GRIA1: variants seen among roughly 807,000 people sequenced by gnomAD.
GRIA1 encodes the protein glutamate ionotropic receptor AMPA type subunit 1.
Under a neutral mutation model 99.2 loss-of-function variants are expected in GRIA1, and 31 were observed. The ratio of observed to expected loss-of-function variants is 0.31; its 90% CI spans 0.23 to 0.42. The LOEUF is 0.42. GRIA1 is among the 10% of genes least tolerant of loss of function. The probability of loss-of-function intolerance (pLI) is 1.00; values close to 1 mark genes in which losing one functional copy is unlikely to be tolerated. For synonymous variants in GRIA1, 438 were observed against 432.4 expected (o/e 1.01, Z -0.16); for missense variants, 782 against 1,157.5 (o/e 0.68, Z 4.71).
chr5:153,726,302 T>C (rs1451765308), intron 11 of GRIA1, among the ~76,000 whole-genome samples: 2 of 147,850 alleles, frequency 1.4e-5, no homozygotes, highest in African/African-American at 5.0e-5. Context: ...AGATCCAAAC[T>C]TCACACCCTA....
chr5:153,659,092 T>C (rs1001937223), intron 5 of GRIA1, among the ~76,000 whole-genome samples: 1 of 152,164 alleles, frequency 6.6e-6, no homozygotes, highest in African/African-American at 2.4e-5. Flanking sequence ...ATCTGTCAAT[T>C]GAGAACAATA....
At chr5:153,655,717 G>A in intron 4 of GRIA1, 102 bp from the exon 5 acceptor site, 1 of 907,058 alleles carries the variant, frequency 1.1e-6, no homozygotes, top group Non-Finnish European at 1.8e-6. Flanking sequence ...CTTAGGGTAG[G>A]GCACATTGTA....
chr5:153,554,852 G>A (rs1760478267), intron 2 of GRIA1, among the ~76,000 whole-genome samples: 1 of 152,190 alleles, frequency 6.6e-6, no homozygotes, highest in South Asian at 2.1e-4. Context: ...TAGTAGGCCA[G>A]ATGCAGAGAA....
chr5:153,698,737 G>T, intron 9 of GRIA1, 130 bp from the exon 10 acceptor site: 2 of 660,474 alleles, frequency 3.0e-6, no homozygotes, highest in East Asian at 5.3e-5. Flanking sequence ...AGACATTTAG[G>T]AAGTGAATTG....
intron 2 of GRIA1, among the ~76,000 whole-genome samples, chr5:153,498,892 T>C (rs1005948080): frequency 5.8e-4 from 89 of 152,202 alleles, no homozygotes; most frequent in African/African-American, 2.1e-3. Flanking sequence ...AATCAAATTA[T>C]GTTGTTTGGG....
chr5:153,661,213 T>C (rs1028467727), intron 5 of GRIA1, among the ~76,000 whole-genome samples: 1 of 152,208 alleles, frequency 6.6e-6, no homozygotes, highest in Admixed American at 6.5e-5. Flanking sequence ...CTCACAGTTA[T>C]GTTTAGTTTC....
chr5:153,580,037 G>A (rs1315505816), intron 2 of GRIA1, among the ~76,000 whole-genome samples: 2 of 152,162 alleles, frequency 1.3e-5, no homozygotes, highest in African/African-American at 4.8e-5. Flanking sequence ...ACCACAAGTA[G>A]GAGCCCACTT....
At chr5:153,724,090 A>C (rs1760307860) in intron 11 of GRIA1, among the ~76,000 whole-genome samples, 1 of 152,196 alleles carries the variant, frequency 6.6e-6, no homozygotes, top group Admixed American at 6.5e-5. Flanking sequence ...CGGTTCACGA[A>C]AATCCGCGGT....
chr5:153,603,001 A>G (rs1399229035), intron 2 of GRIA1, among the ~76,000 whole-genome samples: 1 of 152,072 alleles, frequency 6.6e-6, no homozygotes, highest in East Asian at 1.9e-4. Flanking sequence ...TAGGAAGATG[A>G]ACAGTATATA....
At chr5:153,725,217 A>G (rs1473633860) in intron 11 of GRIA1, among the ~76,000 whole-genome samples, 4 of 151,760 alleles carry the variant, frequency 2.6e-5, no homozygotes, top group African/African-American at 4.8e-5. Context: ...TGTCACCACC[A>G]GGCCTGCCCT....
intron 2 of GRIA1, among the ~76,000 whole-genome samples, chr5:153,494,775 C>A (rs535081635): frequency 1.3e-4 from 20 of 152,306 alleles, no homozygotes; most frequent in African/African-American, 4.8e-4. Context: ...GAAGCCTGTG[C>A]TCACATGATT....
chr5:153,556,236 T>C (rs944616897), intron 2 of GRIA1, among the ~76,000 whole-genome samples: 15 of 152,062 alleles, frequency 9.9e-5, no homozygotes, highest in Non-Finnish European at 2.2e-4. Context: ...TTGCACAGTG[T>C]GGGGGCGAAA....
chr5:153,804,028 G>A (rs1032778546), intron 15 of GRIA1, among the ~76,000 whole-genome samples: 5 of 152,140 alleles, frequency 3.3e-5, no homozygotes, highest in Admixed American at 6.5e-5. Context: ...CTCTCCTCAC[G>A]TACTCCATAC....
intron 11 of GRIA1, among the ~76,000 whole-genome samples, chr5:153,741,395 CTTCTAGGGGT>C (rs1270183351): frequency 6.6e-6 from 1 of 152,192 alleles, no homozygotes; most frequent in Non-Finnish European, 1.5e-5. Context: ...AGCAATCCCA[CTTCTAGGGGT>C]ACTTATACAA....
chr5:153,495,096 T>C (rs1336420423), intron 2 of GRIA1, among the ~76,000 whole-genome samples: 1 of 152,220 alleles, frequency 6.6e-6, no homozygotes, highest in Non-Finnish European at 1.5e-5. Context: ...GAAGTCAGAA[T>C]TCTTTCTATC....
intron 11 of GRIA1, among the ~76,000 whole-genome samples, chr5:153,708,063 G>T (rs983612062): frequency 3.3e-5 from 5 of 152,178 alleles, no homozygotes; most frequent in African/African-American, 1.2e-4. Context: ...TCCTTCATCA[G>T]TGAGCATCTC....
intron 2 of GRIA1, among the ~76,000 whole-genome samples, chr5:153,636,190 G>C (rs1221556232): frequency 6.6e-6 from 1 of 152,100 alleles, no homozygotes; most frequent in African/African-American, 2.4e-5. Context: ...CATGACCCTT[G>C]GCTCCTCATC....
chr5:153,491,657 T>G (rs578022558), intron 1 of GRIA1, among the ~76,000 whole-genome samples: 1 of 151,994 alleles, frequency 6.6e-6, no homozygotes, highest in Non-Finnish European at 1.5e-5. Context: ...CCTTGCCCCC[T>G]CCTCTTAGAT....
At chr5:153,787,530 T>C (rs1046224526) in intron 13 of GRIA1, among the ~76,000 whole-genome samples, 6 of 88,276 alleles carry the variant, frequency 6.8e-5, no homozygotes, top group African/African-American at 2.3e-4. Flanking sequence ...TGCCTGATTC[T>C]TTTTTTGTTT....
Sources: gnomAD v4.1 joint callset for allele counts (sites outside exome capture counted in the v4.1 genomes callset) on GRCh38, gnomAD v4.1.1 for gene constraint, MANE v1.5 for transcripts, NCBI Gene and HGNC (gene_info 2026-07-23, HGNC 2026-07-21) for gene names.